GRIA4: variants seen among roughly 807,000 people sequenced by gnomAD.
GRIA4 encodes the protein glutamate ionotropic receptor AMPA type subunit 4.
A neutral mutation model predicts 104.0 loss-of-function variants in GRIA4; 34 were observed. The observed-to-expected ratio is 0.33, with a 90% confidence interval of 0.25 to 0.44. The LOEUF is 0.44. Among genes scored for constraint, GRIA4 ranks in the 20% least tolerant of loss-of-function variants. GRIA4 has a pLI of 1.00. For synonymous variants in GRIA4, 386 were observed against 381.9 expected, an observed-to-expected ratio of 1.01 and a Z score of -0.13; for missense variants, 750 against 1,096.5, an observed-to-expected ratio of 0.68 and a Z score of 4.46.
At position 105,737,407 on chromosome 11, in the gene GRIA4, C is replaced by T. The variant is rs146543160; in HGVS notation, c.248-15574C>T. On this transcript the variant is annotated intron_variant, in intron 3 of 16. Coordinates refer to ENST00000282499, the MANE Select transcript of GRIA4 (RefSeq NM_000829.4). ...TAACCATGCAAAAGTTTAATATTTC[C>T]ATCTAGCCATGGTTAGCTGTAAATT... is the stretch of plus-strand genomic sequence containing the variant. Among the ~76,000 whole-genome samples, 1,037 of 151,818 alleles carry T rather than the reference C, an allele frequency of 6.8e-3. 9 individuals carry two copies. Among genetic ancestry groups the T allele is most frequent in the Non-Finnish European group, 9.4e-3 (640 of 67,928 alleles).
chr11:105,870,066 C>G (rs895923031), intron 5 of GRIA4, among the ~76,000 whole-genome samples: 3 of 151,814 alleles, frequency 2.0e-5, no homozygotes, highest in African/African-American at 7.3e-5. Context: ...CCAAAGAGTT[C>G]TATTATTCAT....
At chr11:105,918,079 A>T (rs1477842338) in intron 10 of GRIA4, among the ~76,000 whole-genome samples, 1 of 152,146 alleles carries the variant, frequency 6.6e-6, no homozygotes, top group African/African-American at 2.4e-5. Flanking sequence ...CCATGCTTAA[A>T]GCCAAAATAC....
intron 3 of GRIA4, among the ~76,000 whole-genome samples, chr11:105,676,720 AAAC>A (rs1952549956): frequency 6.6e-6 from 1 of 151,776 alleles, no homozygotes; most frequent in Non-Finnish European, 1.5e-5. Flanking sequence ...TCAATAGTGA[AAAC>A]AAAGTTCAAT....
intron 3 of GRIA4, among the ~76,000 whole-genome samples, chr11:105,715,756 G>C (rs113182414): frequency 1.3e-5 from 2 of 152,242 alleles, no homozygotes; most frequent in African/African-American, 4.8e-5. Context: ...AATGGGGTTG[G>C]GGTTTCTCTC....
intron 6 of GRIA4, among the ~76,000 whole-genome samples, chr11:105,891,309 T>C (rs193159420): frequency 4.4e-4 from 67 of 152,302 alleles, no homozygotes; most frequent in South Asian, 1.2e-3. Flanking sequence ...TCCTCAGAGT[T>C]TGGATGTCTC....
At chr11:105,748,669 C>T (rs1304718680) in intron 3 of GRIA4, among the ~76,000 whole-genome samples, 1 of 152,116 alleles carries the variant, frequency 6.6e-6, no homozygotes, top group Non-Finnish European at 1.5e-5. Flanking sequence ...AGGCATGAGC[C>T]ACCGCGCCCC....
chr11:105,936,947 G>T lies in GRIA4; in HGVS notation c.2294+2978G>T, dbSNP rs1441751397. Among the ~76,000 whole-genome samples the T allele has an allele frequency of 1.2e-4, 19 of 152,194 alleles. No individual in the cohort carries two copies. The East Asian group carries it at 3.7e-3, about 29-fold the overall frequency. ...TGATCTATCACTTACTAATAACAAT[G>T]GCCAGAAATTGTTGGTTTATTGTAT... On this transcript the variant is annotated intron_variant, in intron 14 of 16. Transcript: ENST00000282499.
chr11:105,781,950 T>C (rs993458365), intron 4 of GRIA4, among the ~76,000 whole-genome samples: 38 of 152,168 alleles, frequency 2.5e-4, no homozygotes, highest in African/African-American at 9.2e-4. Context: ...CAGTACCCCT[T>C]TGTTAATTGT....
chr11:105,676,937 T>A (rs1565456505), intron 3 of GRIA4, among the ~76,000 whole-genome samples: 1 of 151,858 alleles, frequency 6.6e-6, no homozygotes, highest in Non-Finnish European at 1.5e-5. Flanking sequence ...TTCATGGAGA[T>A]ATTATAGAGG....
chr11:105,951,178 T>C (rs1232966420), intron 14 of GRIA4, among the ~76,000 whole-genome samples: 1 of 152,170 alleles, frequency 6.6e-6, no homozygotes, highest in Non-Finnish European at 1.5e-5. Context: ...TGGAATGGAA[T>C]TCTGGAAATC....
chr11:105,770,051 TCATAA>T (rs1941140757), intron 4 of GRIA4, among the ~76,000 whole-genome samples: 1 of 152,098 alleles, frequency 6.6e-6, no homozygotes, highest in Non-Finnish European at 1.5e-5. Context: ...TTTCCTTATG[TCATAA>T]CATATCCTTT....
rs191911910 is a variant in GRIA4 at position 105,766,260 on chromosome 11, A to T, written c.487+13040A>T. Among the ~76,000 whole-genome samples the T allele has an allele frequency of 9.1e-4, 138 of 152,334 alleles. No homozygotes were observed. In the Middle Eastern group the frequency reaches 0.01, roughly 11 times the overall value. Reference sequence around the variant, plus strand: ...AATTGCAAGCCTGATCAAATGTGAAATATCAAACTAGGGATTATGCTTTCA... The same window carrying T: ...AATTGCAAGCCTGATCAAATGTGAATTATCAAACTAGGGATTATGCTTTCA... On this transcript the variant is annotated intron_variant, in intron 4 of 16. Coordinates refer to ENST00000282499, the MANE Select transcript of GRIA4 (RefSeq NM_000829.4).
At chr11:105,834,343 T>G (rs1944095486) in intron 4 of GRIA4, among the ~76,000 whole-genome samples, 1 of 152,102 alleles carries the variant, frequency 6.6e-6, no homozygotes, top group African/African-American at 2.4e-5. Context: ...GAAAAGCATT[T>G]AAGGACATAT....
chr11:105,740,049 T>C (rs1310336237), intron 3 of GRIA4, among the ~76,000 whole-genome samples: 1 of 152,130 alleles, frequency 6.6e-6, no homozygotes, highest in Non-Finnish European at 1.5e-5. Flanking sequence ...ACATTCTAGC[T>C]AGCAAAAATT....
At chr11:105,961,004 A>T (rs1474935541) in intron 14 of GRIA4, among the ~76,000 whole-genome samples, 4 of 152,012 alleles carry the variant, frequency 2.6e-5, no homozygotes, top group Non-Finnish European at 2.9e-5. Flanking sequence ...TCACAGGCTT[A>T]TTATGTTTTT....
intron 4 of GRIA4, among the ~76,000 whole-genome samples, chr11:105,782,611 G>A (rs1000429040): frequency 3.3e-5 from 5 of 152,086 alleles, no homozygotes; most frequent in Admixed American, 3.3e-4. Context: ...ATACTCTCTG[G>A]GGTCTGTGAT....
chr11:105,888,955 CAA>C (rs1311505586), intron 6 of GRIA4, among the ~76,000 whole-genome samples: 4 of 151,786 alleles, frequency 2.6e-5, no homozygotes, highest in Non-Finnish European at 5.9e-5. Context: ...AAATTTAAGA[CAA>C]ATATATTCTG....
At chr11:105,970,025 G>C (rs1460599399) in intron 14 of GRIA4, among the ~76,000 whole-genome samples, 1 of 151,996 alleles carries the variant, frequency 6.6e-6, no homozygotes, top group Non-Finnish European at 1.5e-5. Context: ...GGTATGGATA[G>C]GAAAACCTAG....
chr11:105,868,324 G>A (rs759007404), intron 5 of GRIA4, among the ~76,000 whole-genome samples: 1 of 152,268 alleles, frequency 6.6e-6, no homozygotes, highest in Non-Finnish European at 1.5e-5. Flanking sequence ...AGCTGAAACG[G>A]AGCAGTAGAC....
Sources: gnomAD v4.1 joint callset for allele counts (sites outside exome capture counted in the v4.1 genomes callset) on GRCh38, gnomAD v4.1.1 for gene constraint, MANE v1.5 for transcripts, NCBI Gene and HGNC (gene_info 2026-07-23, HGNC 2026-07-21) for gene names.